PCBP2: variants seen among roughly 807,000 people sequenced by gnomAD.
PCBP2 encodes the protein poly(rC) binding protein 2, also known as poly(rC)-binding protein 2.
In PCBP2, 4 loss-of-function variants were observed where a neutral mutation model predicts 50.1. That is an observed-to-expected ratio of 0.08 (90% confidence interval 0.04 to 0.18). PCBP2 has a LOEUF of 0.18. Among genes scored for constraint, PCBP2 ranks in the 10% least tolerant of loss-of-function variants. PCBP2 has a pLI of 1.00. For missense variants in PCBP2, 161 were observed against 474.3 expected, an observed-to-expected ratio of 0.34 and a Z score of 6.14; for synonymous variants, 179 against 168.0, an observed-to-expected ratio of 1.07 and a Z score of -0.51.
At chr12:53,464,618 A>G in intron 8 of PCBP2, 142 bp from the exon 9 acceptor site, 1 of 1,161,690 alleles carries the variant, frequency 8.6e-7, no homozygotes, top group Non-Finnish European at 1.2e-6. Flanking sequence ...TTCACTGATT[A>G]CAGCTCGTTT....
intron 8 of PCBP2, 41 bp from the exon 9 acceptor site, chr12:53,464,719 A>C: frequency 6.2e-7 from 1 of 1,600,066 alleles, no homozygotes; most frequent in Non-Finnish European, 8.5e-7. Context: ...AAGGTGCCGG[A>C]TTGACAGCCC....
rs775292926 is a variant in PCBP2, at chr12:53,467,279, A to G, written c.773A>G (p.Asn258Ser). 3 of 1,613,826 alleles carry G rather than the reference A, an allele frequency of 1.9e-6. No individual in the cohort carries two copies. The highest frequency in any genetic ancestry group is 1.7e-6 in the Non-Finnish European group (2 of 1,179,692). Residue 258 changes from asparagine to serine, a missense_variant, in exon 11 of 15, where the codon AAC becomes AGC. Coordinates refer to ENST00000546463, the MANE Select transcript of PCBP2 (RefSeq NM_031989.5). ...QQSHFPMTHG[N>S]TGFSGIESSS... The stretch of plus-strand genomic sequence containing the variant: ...TCTCATTTTCCCATGACGCATGGCA[A>G]CACCGGATTCAGTGGTATGGATACC...
intron 8 of PCBP2, among the ~76,000 whole-genome samples, chr12:53,464,183 C>G (rs756879549): frequency 4.6e-5 from 7 of 152,186 alleles, no homozygotes; most frequent in Non-Finnish European, 8.8e-5. Context: ...GATTCTCCCA[C>G]TCCCCCTTTG....
At chr12:53,457,870 C>T (rs912337174) in intron 5 of PCBP2, among the ~76,000 whole-genome samples, 5 of 152,118 alleles carry the variant, frequency 3.3e-5, no homozygotes, top group Non-Finnish European at 5.9e-5. Flanking sequence ...TTGGATGCAG[C>T]ACGTGTTTAT....
At chr12:53,476,883 GC>G (rs1386451553) in intron 14 of PCBP2, among the ~76,000 whole-genome samples, 1 of 152,088 alleles carries the variant, frequency 6.6e-6, no homozygotes, top group Non-Finnish European at 1.5e-5. Context: ...ACTTAATCAT[GC>G]TGATACCATC....
intron 5 of PCBP2, among the ~76,000 whole-genome samples, chr12:53,456,390 G>A (rs962910252): frequency 2.6e-5 from 4 of 151,024 alleles, no homozygotes; most frequent in South Asian, 4.2e-4. Context: ...CCCGGGAGGC[G>A]GAGGTTGTGG....
chr12:53,472,449 C>G (rs1010956701), intron 14 of PCBP2, among the ~76,000 whole-genome samples: 1 of 152,188 alleles, frequency 6.6e-6, no homozygotes, highest in African/African-American at 2.4e-5. Flanking sequence ...GGTAGTGTTA[C>G]TACTCTCAAT....
intron 5 of PCBP2, among the ~76,000 whole-genome samples, chr12:53,456,742 T>C (rs1448018582): frequency 1.3e-5 from 2 of 152,232 alleles, no homozygotes; most frequent in Admixed American, 6.5e-5. Context: ...GGAGGTTTTA[T>C]CAAGAGTAAG....
chr12:53,474,850 C>G, intron 14 of PCBP2: 1 of 367,886 alleles, frequency 2.7e-6, no homozygotes. Flanking sequence ...TTTTTTGTTC[C>G]TTTTTTCCTC....
At chr12:53,479,370 G>A (rs752324485) in intron 14 of PCBP2, 36 bp from the exon 15 acceptor site, 2 of 1,604,880 alleles carry the variant, frequency 1.2e-6, no homozygotes, top group Admixed American at 3.3e-5. Flanking sequence ...GCTGAGCACT[G>A]GGGAAACTAA....
In PCBP2 at chr12:53,480,383, G is replaced by A. The variant is rs1185226743; in HGVS notation, c.*941G>A. On this transcript the variant is annotated 3_prime_UTR_variant, in exon 15 of 15. Coordinates refer to ENST00000546463, the MANE Select transcript of PCBP2 (RefSeq NM_031989.5). ...TTAGTGAGAGTAGATGCAAAAAAGT[G>A]GAGGGGCAGGAGAACTTCTCCAGAC... 1 of 152,376 alleles carries A rather than the reference G, an allele frequency of 6.6e-6. No individual in the cohort carries two copies. Among genetic ancestry groups the A allele is most frequent in the Non-Finnish European group, 1.5e-5 (1 of 68,042 alleles). 9.4% of individuals were successfully genotyped at this position (152,376 alleles called of 1,614,324 possible).
In PCBP2 at chr12:53,480,700, AAT is replaced by A. The variant is rs1942993211; in HGVS notation, c.*1259_*1260del. ...GAGAAGATAAATGGTGGGACAAAAA[AAT>A]GAGTTACATTGCCACCTGAGAAACC... On this transcript the variant is annotated 3_prime_UTR_variant, in exon 15 of 15. Coordinates refer to ENST00000546463, the MANE Select transcript of PCBP2 (RefSeq NM_031989.5). The A allele has an allele frequency of 6.6e-6, 1 of 152,556 alleles. No homozygotes were observed. Among genetic ancestry groups the A allele is most frequent in the South Asian group, 2.1e-4 (1 of 4,818 alleles). The allele number at this position is 152,556 out of a possible 1,614,324, so 9.5% of individuals were successfully genotyped here.
chr12:53,469,916 A>AT (rs1293004913), intron 13 of PCBP2, among the ~76,000 whole-genome samples: 6 of 151,044 alleles, frequency 4.0e-5, no homozygotes, highest in South Asian at 2.1e-4. Flanking sequence ...TGATTTTTGT[A>AT]TTTTTTTTAA....
chr12:53,466,106 G>T, intron 10 of PCBP2, 133 bp downstream of exon 10: 1 of 758,846 alleles, frequency 1.3e-6, no homozygotes, highest in Non-Finnish European at 2.4e-6. Flanking sequence ...TTCTTCACAA[G>T]GTCAATCCCA....
intron 9 of PCBP2, among the ~76,000 whole-genome samples, chr12:53,465,362 A>G (rs1468197132): frequency 6.6e-6 from 1 of 152,174 alleles, no homozygotes; most frequent in Non-Finnish European, 1.5e-5. Flanking sequence ...GAAGACAGGA[A>G]TTAGAACCCA....
At chr12:53,473,839 C>G (rs1942395585) in intron 14 of PCBP2, among the ~76,000 whole-genome samples, 1 of 150,182 alleles carries the variant, frequency 6.7e-6, no homozygotes, top group Non-Finnish European at 1.5e-5. Flanking sequence ...TCTCCTGTCT[C>G]TTGATTTTTC....
Position 53,480,174 on chromosome 12 carries a change from G to C in PCBP2, c.*732G>C, listed in dbSNP as rs771734700. 6.6e-5 allele frequency: 10 copies of C among 152,186 alleles called. No homozygotes were observed. The highest frequency in any genetic ancestry group is 1.5e-4 in the Non-Finnish European group (10 of 68,036). The allele number at this position is 152,186 out of a possible 1,614,324, so 9.4% of individuals were successfully genotyped here. A position where few individuals can be genotyped will look rare whatever the true frequency, so the allele number is the denominator to read the frequency against. ...ACATTAAGCAGTTGATCATATGTCT[G>C]ACTGGGTTCCAGTTTCTTGGGAATG... On this transcript the variant is annotated 3_prime_UTR_variant, in exon 15 of 15. Coordinates refer to ENST00000546463, the MANE Select transcript of PCBP2 (RefSeq NM_031989.5).
chr12:53,460,801 G>A (rs924111745), intron 6 of PCBP2: 9 of 445,854 alleles, frequency 2.0e-5, no homozygotes, highest in South Asian at 7.4e-5. Context: ...TGTTATTCAC[G>A]CTTATTCTTG....
intron 14 of PCBP2, among the ~76,000 whole-genome samples, chr12:53,476,800 G>GT (rs1255082027): frequency 6.6e-6 from 1 of 152,188 alleles, no homozygotes; most frequent in Non-Finnish European, 1.5e-5. Context: ...CCAGTAAGGA[G>GT]TTTTATTTAG....
Sources: gnomAD v4.1 joint callset for allele counts (sites outside exome capture counted in the v4.1 genomes callset) on GRCh38, gnomAD v4.1.1 for gene constraint, MANE v1.5 for transcripts, NCBI Gene and HGNC (gene_info 2026-07-23, HGNC 2026-07-21) for gene names.